The following MAPK10 variants were observed in gnomAD, a reference collection of about 807,000 sequenced individuals.
MAPK10 encodes mitogen-activated protein kinase 10.
In MAPK10, 25 loss-of-function variants were observed where a neutral mutation model predicts 59.3. That is an observed-to-expected ratio of 0.42 (90% CI 0.31 to 0.59). MAPK10 has a LOEUF of 0.59. Among genes scored for constraint, MAPK10 ranks in the 20% least tolerant of loss-of-function variants. MAPK10 has a pLI of 0.15. For synonymous variants in MAPK10, 190 were observed against 200.5 expected (o/e 0.95, Z 0.44); for missense variants, 351 against 568.9 (o/e 0.62, Z 3.90).
intron 1 of MAPK10, among the ~76,000 whole-genome samples, chr4:86,468,985 GAAGA>G (rs1183529688): frequency 2.6e-5 from 4 of 152,228 alleles, no homozygotes; most frequent in Non-Finnish European, 4.4e-5. Flanking sequence ...AAATACAAAT[GAAGA>G]AAGTGGGAAT....
intron 1 of MAPK10, among the ~76,000 whole-genome samples, chr4:86,473,078 G>A (rs576292087): frequency 6.6e-6 from 1 of 152,278 alleles, no homozygotes; most frequent in Non-Finnish European, 1.5e-5. Context: ...TTAACAGGGG[G>A]AGAAAATATT....
intron 2 of MAPK10, chr4:86,268,183 G>A (rs2094318858): frequency 6.6e-6 from 1 of 152,074 alleles, no homozygotes; most frequent in Admixed American, 6.6e-5. Context: ...TATCTACCAA[G>A]TTGCTGAAGC....
chr4:86,499,587 G>C (rs1281177639), intron 1 of MAPK10, among the ~76,000 whole-genome samples: 1 of 152,176 alleles, frequency 6.6e-6, no homozygotes, highest in Non-Finnish European at 1.5e-5. Context: ...ACTATCCAAA[G>C]AGGATTTGTT....
intron 11 of MAPK10, among the ~76,000 whole-genome samples, chr4:86,045,070 T>C (rs1213294771): frequency 2.6e-5 from 4 of 152,140 alleles, no homozygotes; most frequent in Admixed American, 6.6e-5. Flanking sequence ...AATTATGATC[T>C]GAACTGAGTG....
chr4:86,361,964 G>A (rs1406352226), upstream of MAPK10, among the ~76,000 whole-genome samples: 1 of 152,066 alleles, frequency 6.6e-6, no homozygotes, highest in Non-Finnish European at 1.5e-5. Context: ...AAGCTCTGGT[G>A]TACTATTGCA....
At chr4:86,176,283 G>GC (rs931798898) in intron 3 of MAPK10, among the ~76,000 whole-genome samples, 1 of 152,140 alleles carries the variant, frequency 6.6e-6, no homozygotes, top group African/African-American at 2.4e-5. Flanking sequence ...TGCTTCTCTT[G>GC]CAGAGCATGA....
At chr4:86,531,957 G>A (rs1467967418) in intron 1 of MAPK10, among the ~76,000 whole-genome samples, 4 of 151,820 alleles carry the variant, frequency 2.6e-5, no homozygotes, top group Non-Finnish European at 4.4e-5. Flanking sequence ...AGGGAGCTGA[G>A]GTAGAAGGAT....
At chr4:86,181,425 T>C (rs1208514949) in intron 3 of MAPK10, among the ~76,000 whole-genome samples, 2 of 152,132 alleles carry the variant, frequency 1.3e-5, no homozygotes, top group African/African-American at 4.8e-5. Context: ...TTTAAAATTA[T>C]TCATAACTAA....
At chr4:86,025,417 C>G (rs1749676339) in intron 13 of MAPK10, 1 of 397,236 alleles carries the variant, frequency 2.5e-6, no homozygotes, top group Admixed American at 4.4e-5. Context: ...AACCATAAAC[C>G]CAAACACAAA....
At chr4:86,026,810 C>T (rs192302769) in intron 13 of MAPK10, 10 of 152,184 alleles carry the variant, frequency 6.6e-5, no homozygotes, top group African/African-American at 1.9e-4. Context: ...TTTAGAATTG[C>T]TTTTTCTTTC....
chr4:86,504,969 G>A (rs1342738603), intron 1 of MAPK10, among the ~76,000 whole-genome samples: 2 of 152,070 alleles, frequency 1.3e-5, no homozygotes, highest in African/African-American at 4.8e-5. Flanking sequence ...CTTTCCACCA[G>A]CAAAGCCCAT....
intron 13 of MAPK10, chr4:86,025,491 A>C (rs1749713371): frequency 5.0e-6 from 2 of 398,266 alleles, no homozygotes; most frequent in South Asian, 2.5e-4. Context: ...AGTTTGCGAA[A>C]ATCTCTTAAA....
intron 1 of MAPK10, among the ~76,000 whole-genome samples, chr4:86,441,741 C>A (rs1463143039): frequency 6.6e-6 from 1 of 152,160 alleles, no homozygotes; most frequent in Non-Finnish European, 1.5e-5. Flanking sequence ...GAAACCCCAT[C>A]CACACTAGGG....
At chr4:86,586,705 T>C (rs1207511411) in intron 1 of MAPK10, among the ~76,000 whole-genome samples, 1 of 152,178 alleles carries the variant, frequency 6.6e-6, no homozygotes, top group African/African-American at 2.4e-5. Flanking sequence ...TTGAAGCACC[T>C]GGAAAATCAA....
intron 1 of MAPK10, among the ~76,000 whole-genome samples, chr4:86,387,101 C>A (rs778658427): frequency 6.6e-6 from 1 of 152,114 alleles, no homozygotes. Context: ...GAGAAAAACG[C>A]TAATCTGGCT....
upstream of MAPK10, among the ~76,000 whole-genome samples, chr4:86,456,839 G>C (rs1341302947): frequency 1.3e-5 from 2 of 152,030 alleles, no homozygotes; most frequent in Non-Finnish European, 2.9e-5. Flanking sequence ...CCAAAACCAG[G>C]AAAGGACATA....
chr4:86,275,329 T>A (rs2094541619), intron 2 of MAPK10, among the ~76,000 whole-genome samples: 1 of 151,998 alleles, frequency 6.6e-6, no homozygotes, highest in Admixed American at 6.6e-5. Context: ...GTAAAGAAGA[T>A]CTCAACTCAA....
At chr4:86,055,913 C>G (rs1366977108) in intron 11 of MAPK10, among the ~76,000 whole-genome samples, 1 of 149,908 alleles carries the variant, frequency 6.7e-6, no homozygotes, top group African/African-American at 2.5e-5. Flanking sequence ...TCAGACAAAT[C>G]AAATGACAGC....
At chr4:86,231,036 G>C (rs1450516231) in intron 2 of MAPK10, among the ~76,000 whole-genome samples, 3 of 152,162 alleles carry the variant, frequency 2.0e-5, no homozygotes, top group Non-Finnish European at 2.9e-5. Context: ...AATATGAATT[G>C]ATAAGCATTA....
Sources: gnomAD v4.1 joint callset for allele counts (sites outside exome capture counted in the v4.1 genomes callset) on GRCh38, gnomAD v4.1.1 for gene constraint, MANE v1.5 for transcripts, NCBI Gene and HGNC (gene_info 2026-07-23, HGNC 2026-07-21) for gene names.